ZDHHC23: variants seen among roughly 807,000 people sequenced by gnomAD.
The protein encoded by ZDHHC23 is palmitoyltransferase ZDHHC23.
ZDHHC23 carries 41 observed loss-of-function variants against 40.2 expected under a neutral mutation model. The ratio of observed to expected loss-of-function variants is 1.02; its 90% CI spans 0.79 to 1.32. ZDHHC23 has a LOEUF of 1.32. Ranked by LOEUF, ZDHHC23 falls within the 40% of genes most tolerant of loss-of-function variation. ZDHHC23 has a pLI of 0.00. For synonymous variants in ZDHHC23, 204 were observed against 210.2 expected (o/e 0.97, Z 0.26); for missense variants, 471 against 541.5 (o/e 0.87, Z 1.29).
At chr3:113,978,543 G>A in the ZDHHC23 span, 1 of 603,416 alleles carries the variant, frequency 1.7e-6, no homozygotes, top group Non-Finnish European at 2.9e-6. Flanking sequence ...ACAGTTATAA[G>A]ATTGAAGGGG....
At chr3:113,976,510 C>G in the ZDHHC23 span, among the ~76,000 whole-genome samples, 1 of 152,060 alleles carries the variant, frequency 6.6e-6, no homozygotes, top group South Asian at 2.1e-4. Flanking sequence ...TTACTGCTAT[C>G]AGATGAGATG....
rs777400351 is a variant in ZDHHC23, at chr3:113,958,446, A to G, written c.1124A>G (p.Asn375Ser). The G allele has an allele frequency of 1.9e-6, 3 of 1,614,186 alleles. No individual in the cohort carries two copies. The highest frequency in any genetic ancestry group is 2.5e-6 in the Non-Finnish European group (3 of 1,180,032). ...TACATCTTCCTGATCCAGCTGATCAACATCAGCTACAATGTGACTGAGCGG... is the reference window on the plus strand; with the variant it reads ...TACATCTTCCTGATCCAGCTGATCAGCATCAGCTACAATGTGACTGAGCGG... ...MAYIFLIQLI[N>S]ISYNVTEREV... The change falls in exon 5 of 5, where the codon AAC (asparagine) becomes AGC (serine). Residue 375 changes from asparagine (N) to serine (S), a missense_variant. By Grantham distance (46) the Asn-to-Ser change is conservative. Around this residue, in one of 3 missense-constraint regions of ZDHHC23, gnomAD observed 346 missense variants for 399.8 expected, o/e 0.87. Transcript: ENST00000638807.
chr3:113,966,426 A>G (rs528757913), downstream of ZDHHC23, among the ~76,000 whole-genome samples: 17 of 152,308 alleles, frequency 1.1e-4, no homozygotes, highest in Non-Finnish European at 1.5e-4. Context: ...CAGAGTTTCC[A>G]TACAGTGGGA....
rs566890068 is a variant in ZDHHC23, at chr3:113,959,900, T to C, written c.*1270T>C. 1 of 1,001,426 alleles carries C rather than the reference T, an allele frequency of 1.0e-6. No homozygotes were observed. The highest frequency in any genetic ancestry group is 9.1e-5 in the East Asian group (1 of 10,970). 62.0% of individuals were successfully genotyped at this position (1,001,426 alleles called of 1,614,324 possible). The stretch of plus-strand genomic sequence containing the variant: ...ATAACAAGTTGTTTCTTTAATCATA[T>C]CTTAAAACCGAAAATGTATAAAAGA... On this transcript the variant is annotated 3_prime_UTR_variant, in exon 5 of 5. Transcript: ENST00000638807.
At chr3:113,957,000 T>G (rs1939288165) in intron 4 of ZDHHC23, among the ~76,000 whole-genome samples, 1 of 152,226 alleles carries the variant, frequency 6.6e-6, no homozygotes, top group Non-Finnish European at 1.5e-5. Flanking sequence ...TAACCTCTCT[T>G]GGTTTTTCCT....
intron 3 of ZDHHC23, among the ~76,000 whole-genome samples, chr3:113,955,389 T>TGCGCGCGC (rs199620524): frequency 1.1e-4 from 16 of 140,150 alleles, no homozygotes; most frequent in African/African-American, 4.3e-4. Context: ...TGTGTGTGTG[T>TGCGCGCGC]GTGCGTGTGT....
chr3:113,959,919 T>C lies in ZDHHC23; in HGVS notation c.*1289T>C. On this transcript the variant is annotated 3_prime_UTR_variant, in exon 5 of 5. Transcript: ENST00000638807. ...ATCATATCTTAAAACCGAAAATGTATAAAAGATTAAATATTTATGTACAAT... is the reference window on the plus strand; with the variant it reads ...ATCATATCTTAAAACCGAAAATGTACAAAAGATTAAATATTTATGTACAAT... 3.0e-6 allele frequency: 3 copies of C among 998,912 alleles called. No individual in the cohort carries two copies. The highest frequency in any genetic ancestry group is 3.6e-6 in the Non-Finnish European group (3 of 835,112). The allele number at this position is 998,912 out of a possible 1,614,324, so 61.9% of individuals were successfully genotyped here.
chr3:113,978,310 C>A, the ZDHHC23 span: 2 of 1,613,930 alleles, frequency 1.2e-6, no homozygotes, highest in Admixed American at 3.3e-5. Flanking sequence ...TTTCTTACTT[C>A]TTCCTGCAGA....
intron 2 of ZDHHC23, among the ~76,000 whole-genome samples, chr3:113,949,858 G>A (rs775866438): frequency 4.6e-5 from 7 of 152,222 alleles, no homozygotes; most frequent in Non-Finnish European, 1.0e-4. Flanking sequence ...TAAAAACCCA[G>A]TGAACCCTTT....
At chr3:113,976,556 G>C in the ZDHHC23 span, among the ~76,000 whole-genome samples, 1 of 151,590 alleles carries the variant, frequency 6.6e-6, no homozygotes, top group Non-Finnish European at 1.5e-5. Flanking sequence ...CTCTCAGCCT[G>C]TATATAGTGG....
the ZDHHC23 span, among the ~76,000 whole-genome samples, chr3:113,970,675 A>G: frequency 1.3e-5 from 2 of 152,052 alleles, no homozygotes; most frequent in African/African-American, 2.4e-5. Flanking sequence ...CCATTAACTC[A>G]TCATTTAACA....
At chr3:113,966,193 C>A (rs1457425022), downstream of ZDHHC23, among the ~76,000 whole-genome samples, 1 of 152,138 alleles carries the variant, frequency 6.6e-6, no homozygotes, top group African/African-American at 2.4e-5. Context: ...CCAACAGCAG[C>A]AATAACAACA....
chr3:113,968,024 C>T (rs114171304), downstream of ZDHHC23, among the ~76,000 whole-genome samples: 1,745 of 152,250 alleles, frequency 0.011, 16 homozygotes, highest in Non-Finnish European at 0.018. Context: ...TTTCTTTATG[C>T]ATTTATCCAC....
chr3:113,955,613 A>G (rs1237697664), intron 3 of ZDHHC23, among the ~76,000 whole-genome samples: 1 of 152,132 alleles, frequency 6.6e-6, no homozygotes, highest in African/African-American at 2.4e-5. Context: ...TTGGATCTTT[A>G]TATTACTCTT....
chr3:113,952,092 G>A (rs991704398), intron 2 of ZDHHC23, among the ~76,000 whole-genome samples: 1 of 151,928 alleles, frequency 6.6e-6, no homozygotes, highest in African/African-American at 2.4e-5. Context: ...AGCTGAGATC[G>A]CGCCATTGCA....
intron 2 of ZDHHC23, among the ~76,000 whole-genome samples, chr3:113,949,926 G>C (rs1938504435): frequency 1.3e-5 from 2 of 152,110 alleles, no homozygotes; most frequent in Non-Finnish European, 1.5e-5. Flanking sequence ...TTTGAATATA[G>C]GTTCTTTAGA....
chr3:113,955,726 A>G (rs1939162896), intron 3 of ZDHHC23, among the ~76,000 whole-genome samples: 1 of 152,118 alleles, frequency 6.6e-6, no homozygotes, highest in African/African-American at 2.4e-5. Context: ...CATGGTGAGG[A>G]CAATGTTAGA....
In ZDHHC23 at chr3:113,959,640, T is replaced by C; in HGVS notation, c.*1010T>C. On this transcript the variant is annotated 3_prime_UTR_variant, in exon 5 of 5. Coordinates refer to ENST00000638807, the MANE Select transcript of ZDHHC23 (RefSeq NM_001320466.2). ...TAACATCACGGGCTCGATTATTTTC[T>C]TCATGTATTTCAAATGCTGTCAGTT... is the stretch of plus-strand genomic sequence containing the variant. The C allele has an allele frequency of 4.3e-6, 5 of 1,170,572 alleles. No individual in the cohort carries two copies. In the South Asian group the frequency reaches 6.5e-5, roughly 15 times the overall value. The allele number at this position is 1,170,572 out of a possible 1,614,324, so 72.5% of individuals were successfully genotyped here.
Position 113,960,740 on chromosome 3 carries a change from T to C in ZDHHC23, c.*2110T>C. ...AATAGGGTTACTTGGATGAGCCAACTCCGCTTCCTTCCCATGGATAGGAAG... is the reference window on the plus strand; with the variant it reads ...AATAGGGTTACTTGGATGAGCCAACCCCGCTTCCTTCCCATGGATAGGAAG... On this transcript the variant is annotated 3_prime_UTR_variant, in exon 5 of 5. Coordinates refer to ENST00000638807, the MANE Select transcript of ZDHHC23 (RefSeq NM_001320466.2). The C allele has an allele frequency of 6.4e-7, 1 of 1,572,654 alleles. No individual in the cohort carries two copies. The highest frequency in any genetic ancestry group is 8.6e-7 in the Non-Finnish European group (1 of 1,165,314).
Sources: gnomAD v4.1 joint callset for allele counts (sites outside exome capture counted in the v4.1 genomes callset) on GRCh38, gnomAD v4.1.1 for gene constraint, gnomAD v4.1.1 regional missense constraint, MANE v1.5 for transcripts, NCBI Gene and HGNC (gene_info 2026-07-23, HGNC 2026-07-21) for gene names.